Variants in DLGAP2 observed in about 807,000 individuals in gnomAD.
The protein encoded by DLGAP2 is disks large-associated protein 2.
Under a neutral mutation model 100.3 loss-of-function variants are expected in DLGAP2, and 26 were observed. That is an observed-to-expected ratio of 0.26 (90% CI 0.19 to 0.36). The LOEUF is 0.36. Ranked by LOEUF, DLGAP2 falls within the 10% of genes least tolerant of loss-of-function variation. The pLI, the probability that DLGAP2 is intolerant of heterozygous loss-of-function variation, is 1.00. For synonymous variants in DLGAP2, 886 were observed against 630.1 expected, an observed-to-expected ratio of 1.41 and a Z score of -6.08; for missense variants, 1,858 against 1,453.2, an observed-to-expected ratio of 1.28 and a Z score of -4.53.
chr8:1,125,349 G>T (rs1369884996), intron 2 of DLGAP2, among the ~76,000 whole-genome samples: 2 of 152,218 alleles, frequency 1.3e-5, no homozygotes, highest in East Asian at 3.9e-4. Context: ...CAAATACCTG[G>T]ATCTTGATCA....
chr8:1,075,489 G>C (rs539266082), intron 2 of DLGAP2, among the ~76,000 whole-genome samples: 3 of 152,232 alleles, frequency 2.0e-5, no homozygotes. Context: ...TCCCTCTACT[G>C]TCCTCTTCTG....
intron 2 of DLGAP2, among the ~76,000 whole-genome samples, chr8:1,094,832 A>G (rs1018565171): frequency 2.6e-5 from 4 of 152,242 alleles, no homozygotes; most frequent in African/African-American, 4.8e-5. Context: ...TACTGAGAGT[A>G]TACAGGGATT....
At chr8:1,556,957 A>G (rs1801985895) in intron 5 of DLGAP2, among the ~76,000 whole-genome samples, 1 of 151,972 alleles carries the variant, frequency 6.6e-6, no homozygotes, top group Non-Finnish European at 1.5e-5. Flanking sequence ...GGGGGCTGGG[A>G]GATGCTTGTG....
intron 2 of DLGAP2, among the ~76,000 whole-genome samples, chr8:956,322 T>G (rs1382271871): frequency 6.6e-6 from 1 of 152,170 alleles, no homozygotes; most frequent in African/African-American, 2.4e-5. Flanking sequence ...CCAGGCCTTG[T>G]TAGGAAAACA....
At chr8:856,275 G>A (rs967465313) in intron 1 of DLGAP2, among the ~76,000 whole-genome samples, 6 of 145,858 alleles carry the variant, frequency 4.1e-5, no homozygotes, top group East Asian at 2.0e-4. Context: ...TACAACCTTC[G>A]CCTCCCGGGT....
At chr8:1,223,892 T>A (rs1010562154) in intron 2 of DLGAP2, among the ~76,000 whole-genome samples, 1 of 152,232 alleles carries the variant, frequency 6.6e-6, no homozygotes, top group African/African-American at 2.4e-5. Flanking sequence ...GCAAACAATG[T>A]GTGAGATGGA....
intron 8 of DLGAP2, among the ~76,000 whole-genome samples, chr8:1,647,663 T>G (rs1798073434): frequency 6.6e-6 from 1 of 152,180 alleles, no homozygotes; most frequent in Admixed American, 6.5e-5. Flanking sequence ...GAAGAGTTCT[T>G]GCAATGGTCT....
At position 1,323,977 on chromosome 8, in the gene DLGAP2, C is replaced by G. The variant is rs888602831; in HGVS notation, c.106+65094C>G. Among the ~76,000 whole-genome samples, 13 of 152,278 alleles carry G rather than the reference C, an allele frequency of 8.5e-5. No individual in the cohort carries two copies. The South Asian group carries it at 1.0e-3, about 12-fold the overall frequency. ...ATAGGATTAATGTGGCGCGTTTCGA[C>G]ACAGTAAAGAAGTTGCTGTTTCTTT... On this transcript the variant is annotated intron_variant, in intron 3 of 14. Coordinates refer to ENST00000637795, the MANE Select transcript of DLGAP2 (RefSeq NM_001346810.2).
chr8:1,227,683 A>G (rs1262187793), intron 2 of DLGAP2, among the ~76,000 whole-genome samples: 1 of 152,140 alleles, frequency 6.6e-6, no homozygotes, highest in Non-Finnish European at 1.5e-5. Flanking sequence ...AGGAAGAAAA[A>G]TATTACATGA....
chr8:1,001,217 C>T (rs1800945832), intron 2 of DLGAP2, among the ~76,000 whole-genome samples: 1 of 152,142 alleles, frequency 6.6e-6, no homozygotes, highest in Non-Finnish European at 1.5e-5. Flanking sequence ...CTATTTTTCA[C>T]ATTGTATTGT....
At chr8:1,052,613 G>A (rs1802753351) in intron 2 of DLGAP2, among the ~76,000 whole-genome samples, 1 of 152,138 alleles carries the variant, frequency 6.6e-6, no homozygotes. Flanking sequence ...AAGATGGCTG[G>A]GGGATCATTA....
chr8:1,197,215 C>A (rs533219614), intron 2 of DLGAP2, among the ~76,000 whole-genome samples: 2 of 152,166 alleles, frequency 1.3e-5, no homozygotes, highest in Non-Finnish European at 2.9e-5. Context: ...ATTGCAGAGT[C>A]CACTTCAGGT....
At position 1,360,547 on chromosome 8, in the gene DLGAP2, T is replaced by C. The variant is rs1585298687; in HGVS notation, c.106+101664T>C. The stretch of plus-strand genomic sequence containing the variant: ...TCGAGGGGCAGCACGGGACCACGGC[T>C]GTGCCATCTGGGTGAGCTGGGCTGG... On this transcript the variant is annotated intron_variant, in intron 3 of 14. Coordinates refer to ENST00000637795, the MANE Select transcript of DLGAP2 (RefSeq NM_001346810.2). 2.6e-5 allele frequency among the ~76,000 whole-genome samples: 4 copies of C among 152,256 alleles called. No individual in the cohort carries two copies. In the Middle Eastern group the frequency reaches 0.01, roughly 388 times the overall value.
intron 1 of DLGAP2, among the ~76,000 whole-genome samples, chr8:827,479 T>C (rs62486360): frequency 3.9e-5 from 6 of 152,222 alleles, no homozygotes; most frequent in African/African-American, 9.6e-5. Context: ...TTCAATGATA[T>C]GATAGTTCAG....
intron 2 of DLGAP2, among the ~76,000 whole-genome samples, chr8:1,149,662 A>AAT (rs771223554): frequency 1.2e-4 from 19 of 152,332 alleles, no homozygotes; most frequent in Non-Finnish European, 2.6e-4. Context: ...TATTAAATGT[A>AAT]ATTCATGACA....
intron 2 of DLGAP2, among the ~76,000 whole-genome samples, chr8:1,175,288 C>G (rs1053594295): frequency 2.0e-5 from 3 of 151,880 alleles, no homozygotes; most frequent in Admixed American, 6.6e-5. Context: ...CCCAATAGTG[C>G]ATTTCATGGG....
chr8:1,529,718 T>C (rs1800921567), intron 4 of DLGAP2, among the ~76,000 whole-genome samples: 1 of 152,232 alleles, frequency 6.6e-6, no homozygotes, highest in Admixed American at 6.5e-5. Flanking sequence ...CAGACACTTA[T>C]CAGGGAACCT....
chr8:1,332,934 G>A (rs565619252), intron 3 of DLGAP2, among the ~76,000 whole-genome samples: 5 of 152,240 alleles, frequency 3.3e-5, no homozygotes, highest in African/African-American at 4.8e-5. Flanking sequence ...TCCTCAGAGA[G>A]CCCCCAGCAG....
At chr8:1,339,101 T>TAA (rs1801359875) in intron 3 of DLGAP2, among the ~76,000 whole-genome samples, 1 of 44,178 alleles carries the variant, frequency 2.3e-5, no homozygotes, top group Non-Finnish European at 4.5e-5. Flanking sequence ...GACCTCAGCG[T>TAA]GGCGTCAGGA....
Sources: gnomAD v4.1 joint callset for allele counts (sites outside exome capture counted in the v4.1 genomes callset) on GRCh38, gnomAD v4.1.1 for gene constraint, MANE v1.5 for transcripts, NCBI Gene and HGNC (gene_info 2026-07-23, HGNC 2026-07-21) for gene names.